Variants in PDCL2 observed in about 807,000 individuals in gnomAD.
PDCL2 encodes phosducin like 2.
A neutral mutation model predicts 30.3 loss-of-function variants in PDCL2; 23 were observed. The observed-to-expected ratio is 0.76, with a 90% CI of 0.55 to 1.08. The LOEUF is 1.08. PDCL2 is among the 50% of genes least tolerant of loss of function. PDCL2 has a pLI of 0.00. For missense variants in PDCL2, 243 were observed against 282.3 expected, an observed-to-expected ratio of 0.86 and a Z score of 1.00; for synonymous variants, 68 against 86.2, an observed-to-expected ratio of 0.79 and a Z score of 1.17.
chr4:55,557,685 C>T (rs1004126458), intron 5 of PDCL2, among the ~76,000 whole-genome samples: 2 of 151,988 alleles, frequency 1.3e-5, no homozygotes, highest in Admixed American at 6.6e-5. Context: ...ATCCCAGTAG[C>T]CCCCAAAGTC....
chr4:55,563,653 AAC>A (rs1479315928), intron 4 of PDCL2, among the ~76,000 whole-genome samples: 1 of 152,244 alleles, frequency 6.6e-6, no homozygotes, highest in Non-Finnish European at 1.5e-5. Context: ...TGAGAGAGGA[AAC>A]ACAAAGTGAT....
chr4:55,581,677 G>C (rs115336569), intron 2 of PDCL2, among the ~76,000 whole-genome samples: 249 of 152,258 alleles, frequency 1.6e-3, no homozygotes, highest in African/African-American at 5.4e-3. Flanking sequence ...GAAAGTAGTT[G>C]AGGGGGGTTA....
At chr4:55,590,810 A>C (rs1254690514) in intron 1 of PDCL2, among the ~76,000 whole-genome samples, 1 of 152,110 alleles carries the variant, frequency 6.6e-6, no homozygotes, top group Non-Finnish European at 1.5e-5. Flanking sequence ...ATTTTATCTA[A>C]CAGAAACAGG....
intron 1 of PDCL2, among the ~76,000 whole-genome samples, chr4:55,584,418 G>T (rs1171495612): frequency 6.6e-6 from 1 of 151,862 alleles, no homozygotes; most frequent in Non-Finnish European, 1.5e-5. Context: ...CACCTCGCCC[G>T]GCTAATTTTT....
intron 3 of PDCL2, among the ~76,000 whole-genome samples, chr4:55,570,579 C>T (rs560241933): frequency 3.8e-4 from 58 of 152,236 alleles, no homozygotes; most frequent in African/African-American, 1.3e-3. Flanking sequence ...CTAATAGCTA[C>T]TCACAAGGGA....
intron 2 of PDCL2, among the ~76,000 whole-genome samples, chr4:55,581,179 T>C (rs1483303145): frequency 3.3e-5 from 5 of 152,068 alleles, no homozygotes; most frequent in African/African-American, 1.2e-4. Flanking sequence ...CCTGTAATCC[T>C]AGCTACTCGG....
chr4:55,560,612 T>G (rs1365491755), intron 5 of PDCL2, among the ~76,000 whole-genome samples: 5 of 152,110 alleles, frequency 3.3e-5, no homozygotes, highest in Non-Finnish European at 5.9e-5. Flanking sequence ...TGAGATGCTA[T>G]CTCAAAAAAA....
intron 3 of PDCL2, among the ~76,000 whole-genome samples, chr4:55,571,600 TCACTTGAACCCGGGA>T (rs1451373204): frequency 4.6e-4 from 26 of 56,534 alleles, no homozygotes; most frequent in East Asian, 1.2e-3. Context: ...GGCAGGAGAA[TCACTTGAACCCGGGA>T]GGCGGAGGTT....
At chr4:55,588,224 A>C (rs1308980040) in intron 1 of PDCL2, among the ~76,000 whole-genome samples, 1 of 152,196 alleles carries the variant, frequency 6.6e-6, no homozygotes, top group Non-Finnish European at 1.5e-5. Context: ...CCTCCCTCAC[A>C]ATTTGCCCAA....
chr4:55,573,312 A>C (rs1732477178), intron 3 of PDCL2, among the ~76,000 whole-genome samples: 1 of 152,192 alleles, frequency 6.6e-6, no homozygotes, highest in Admixed American at 6.5e-5. Flanking sequence ...TTTAGCTAGA[A>C]GAGCTTCTGA....
intron 4 of PDCL2, among the ~76,000 whole-genome samples, chr4:55,563,542 C>T (rs1192311631): frequency 6.6e-6 from 1 of 152,108 alleles, no homozygotes; most frequent in Non-Finnish European, 1.5e-5. Context: ...TTTTAGGGGC[C>T]AAGGGAAAAC....
In PDCL2 at chr4:55,582,174, C is replaced by G. The variant is rs1043634410; in HGVS notation, c.70G>C (p.Glu24Gln). Reference protein sequence around the residue: ...LRDFGILPPKEESKDEIEEMV... With the variant: ...LRDFGILPPKQESKDEIEEMV... ...TCTTCAATTTCATCTTTTGACTCTT[C>G]TTTAGGAGGAAGAATGCCGAAATCT... is the stretch of plus-strand genomic sequence containing the variant. Residue 24 changes from glutamate (E) to glutamine (Q), a missense_variant, in exon 2 of 6, where the codon GAA becomes CAA. Transcript: ENST00000295645. The G allele has an allele frequency of 3.1e-6, 5 of 1,612,998 alleles. No individual in the cohort carries two copies. The highest frequency in any genetic ancestry group is 1.1e-5 in the South Asian group (1 of 90,840).
At chr4:55,557,193 A>C (rs370036841) in intron 5 of PDCL2, among the ~76,000 whole-genome samples, 1 of 152,248 alleles carries the variant, frequency 6.6e-6, no homozygotes, top group African/African-American at 2.4e-5. Flanking sequence ...CAAAATACAC[A>C]TTGGATACAG....
At chr4:55,582,079 T>TATTCCCATCATCCAGCCC (rs1337910747) in intron 2 of PDCL2, 38 bp downstream of exon 2, 1 of 1,607,864 alleles carries the variant, frequency 6.2e-7, no homozygotes, top group Non-Finnish European at 8.5e-7. Flanking sequence ...TTAACTGTAT[T>TATTCCCATCATCCAGCCC]ATTCCCATCA....
chr4:55,573,974 A>G (rs759728305), intron 3 of PDCL2, among the ~76,000 whole-genome samples: 13 of 151,422 alleles, frequency 8.6e-5, no homozygotes, highest in Admixed American at 2.0e-4. Context: ...GCTCACTGCA[A>G]CCTCTGCCTC....
At chr4:55,566,028 T>C (rs1444309777) in intron 4 of PDCL2, among the ~76,000 whole-genome samples, 2 of 129,084 alleles carry the variant, frequency 1.5e-5, no homozygotes, top group Non-Finnish European at 3.1e-5. Context: ...TTGCCCAGGC[T>C]AGAGTACAGT....
chr4:55,582,959 G>A (rs1732766039), intron 1 of PDCL2, among the ~76,000 whole-genome samples: 2 of 152,016 alleles, frequency 1.3e-5, no homozygotes, highest in African/African-American at 2.4e-5. Flanking sequence ...TGGCTGCATA[G>A]TATTCCCTTT....
At chr4:55,587,760 T>G (rs1732901228) in intron 1 of PDCL2, among the ~76,000 whole-genome samples, 1 of 152,092 alleles carries the variant, frequency 6.6e-6, no homozygotes. Flanking sequence ...TTCACCATGT[T>G]GGCCAGGTTG....
At chr4:55,588,370 A>G (rs946163610) in intron 1 of PDCL2, among the ~76,000 whole-genome samples, 2 of 152,206 alleles carry the variant, frequency 1.3e-5, no homozygotes, top group Non-Finnish European at 1.5e-5. Flanking sequence ...GAGCCAGACT[A>G]AATTGTGTAT....
Sources: allele counts gnomAD v4.1 joint callset (sites outside exome capture counted in the v4.1 genomes callset), GRCh38; gene constraint gnomAD v4.1.1; transcripts MANE v1.5; gene names NCBI Gene and HGNC (gene_info 2026-07-23, HGNC 2026-07-21).